The following MMP8 variants were observed in gnomAD, a reference collection of about 807,000 sequenced individuals.
MMP8 encodes neutrophil collagenase.
MMP8 carries 67 observed loss-of-function variants against 51.2 expected under a neutral mutation model. That is an observed-to-expected ratio of 1.31 (90% CI 1.08 to 1.60). The LOEUF (loss-of-function observed/expected upper bound fraction) is 1.60, where lower values mean the gene tolerates loss of function less well. Among genes scored for constraint, MMP8 ranks in the 40% most tolerant of loss-of-function variants. The pLI, the probability that MMP8 is intolerant of heterozygous loss-of-function variation, is 0.00. For synonymous variants in MMP8, 225 were observed against 191.0 expected (o/e 1.18, Z -1.47); for missense variants, 654 against 558.1 (o/e 1.17, Z -1.73).
Position 102,713,323 on chromosome 11 carries a change from G to T in MMP8, c.*25C>A. 6.7e-7 allele frequency: 1 copy of T among 1,501,352 alleles called. No individual in the cohort carries two copies. Among genetic ancestry groups the T allele is most frequent in the South Asian group, 1.1e-5 (1 of 88,720 alleles). The allele number at this position is 1,501,352 out of a possible 1,614,324, so 93.0% of individuals were successfully genotyped here. On this transcript the variant is annotated 3_prime_UTR_variant, in exon 10 of 10. Transcript: ENST00000236826. ...AACTTCCCTTCAACATTCTGAAAGT[G>T]GATACAGCCACATTTGATTTTGCTT...
chr11:102,716,438 A>AAG lies in MMP8; in HGVS notation c.785-20_785-19insCT. On this transcript the variant is annotated intron_variant, in intron 5 of 9. Transcript: ENST00000236826. ...GAAAGTCCTGGAAAAAAAAAAAAAA[A>AAG]AAAAAAAAAGGTCTTTCTTATGAGA... The AAG allele has an allele frequency of 7.0e-7, 1 of 1,437,296 alleles. No individual in the cohort carries two copies. The highest frequency in any genetic ancestry group is 2.4e-5 in the East Asian group (1 of 41,348). The allele number at this position is 1,437,296 out of a possible 1,614,324, so 89.0% of individuals were successfully genotyped here. A position where few individuals can be genotyped will look rare whatever the true frequency, so the allele number is the denominator to read the frequency against.
rs776959028 is a variant in MMP8, at chr11:102,718,466, G to T, written c.732C>A (p.Thr244=). ...CATCTTGAGGGAGTGAGTAGTTGCT[G>T]GTTTCCCTGAAAGCATAGTTGGGAT... ...LMYPNYAFRE[T]SNYSLPQDDI... is the part of the protein sequence containing the mutation. The change falls in exon 5 of 10, where the codon ACC becomes ACA. Residue 244 remains threonine, a synonymous_variant. Transcript: ENST00000236826. 188 of 1,613,600 alleles carry T rather than the reference G, an allele frequency of 1.2e-4. No individual in the cohort carries two copies. The highest frequency in any genetic ancestry group is 4.0e-4 in the Admixed American group (24 of 59,906).
In MMP8 at chr11:102,721,638, T is replaced by G. The variant is rs1188452862; in HGVS notation, c.472A>C (p.Ile158Leu). 1 of 1,613,834 alleles carries G rather than the reference T, an allele frequency of 6.2e-7. No individual in the cohort carries two copies. The part of the protein sequence containing the change: ...FTRISQGEAD[I>L]NIAFYQRDHG... ...CCTCTTTGGTAAAAAGCAATGTTGA[T>G]ATCTGCCTCTCCCTGTGAGATCCTG... is the stretch of plus-strand genomic sequence containing the variant. The change falls in exon 3 of 10, where the codon ATC becomes CTC. Residue 158 changes from isoleucine (I) to leucine (L), a missense_variant. Ile to Leu is a conservative substitution (Grantham distance 5, BLOSUM62 2). Coordinates refer to ENST00000236826, the MANE Select transcript of MMP8 (RefSeq NM_002424.3).
chr11:102,713,383 T>C lies in MMP8; in HGVS notation c.1369A>G (p.Arg457Gly). 1 of 1,613,664 alleles carries C rather than the reference T, an allele frequency of 6.2e-7. No individual in the cohort carries two copies. ...CTACAGTTAAGCCATTTATTGCCTC[T>C]TGCAACTCTGGTAACTCTCTGAGCA... Reference protein sequence around the residue: ...LIAQRVTRVARGNKWLNCRYG With the variant: ...LIAQRVTRVAGGNKWLNCRYG The change falls in exon 10 of 10, where the codon AGA becomes GGA. Residue 457 changes from arginine to glycine, a missense_variant. Arg to Gly is a moderately radical substitution (Grantham distance 125). Coordinates refer to ENST00000236826, the MANE Select transcript of MMP8 (RefSeq NM_002424.3).
chr11:102,716,423 GAAAAAAAAAA>G lies in MMP8; in HGVS notation c.785-14_785-5del, dbSNP rs751481811. ...TGGATAGGGTTGCTTGAAAGTCCTG[GAAAAAAAAAA>G]AAAAAAAAAAAAAAGGTCTTTCTTA... is the stretch of plus-strand genomic sequence containing the variant. On this transcript the variant is annotated splice_region_variant and splice_polypyrimidine_tract_variant and intron_variant, in intron 5 of 9. Transcript: ENST00000236826. The G allele has an allele frequency of 3.4e-4, 136 of 395,642 alleles. No homozygotes were observed. The highest frequency in any genetic ancestry group is 2.8e-3 in the African/African-American group (75 of 27,068). 24.5% of individuals were successfully genotyped at this position (395,642 alleles called of 1,614,324 possible).
In MMP8 at chr11:102,722,598, C is replaced by A. The variant is rs61747594; in HGVS notation, c.178G>T (p.Val60Phe). ...CGCTGCATTTCTTTAAGCTTTTCAA[C>A]GATCACATTAGTGCCATTCTTCCTT... ...STRKNGTNVIVEKLKEMQRFF... is the reference protein window; with the variant it reads ...STRKNGTNVIFEKLKEMQRFF... The change falls in exon 2 of 10, where the codon GTT (valine) becomes TTT (phenylalanine). Residue 60 changes from valine to phenylalanine, a missense_variant. Coordinates refer to ENST00000236826, the MANE Select transcript of MMP8 (RefSeq NM_002424.3). 2.5e-6 allele frequency: 4 copies of A among 1,613,822 alleles called. No homozygotes were observed. The Admixed American group carries it at 5.0e-5, about 20-fold the overall frequency.
At chr11:102,713,554 A>T (rs1861188983) in intron 9 of MMP8, 97 bp from the exon 10 acceptor site, 4 of 1,128,610 alleles carry the variant, frequency 3.5e-6, no homozygotes, top group Non-Finnish European at 3.9e-6. Context: ...ATAACATTCA[A>T]ATGCAAACAT....
At chr11:102,716,063 G>A (rs1310177493) in intron 6 of MMP8, among the ~76,000 whole-genome samples, 2 of 151,646 alleles carry the variant, frequency 1.3e-5, no homozygotes, top group African/African-American at 4.9e-5. Context: ...ATACTCAATT[G>A]CATAAATTCA....
In MMP8 at chr11:102,711,946, C is replaced by T. The variant is rs1348391417; in HGVS notation, c.*1402G>A. 1.3e-5 allele frequency: 2 copies of T among 152,144 alleles called. No individual in the cohort carries two copies. The highest frequency in any genetic ancestry group is 2.9e-5 in the Non-Finnish European group (2 of 68,018). The allele number at this position is 152,144 out of a possible 1,614,324, so 9.4% of individuals were successfully genotyped here. On this transcript the variant is annotated 3_prime_UTR_variant, in exon 10 of 10. Coordinates refer to ENST00000236826, the MANE Select transcript of MMP8 (RefSeq NM_002424.3). ...AGGTACTAGTGAGAAATATATTTTA[C>T]AGTCTACATATTTATTGTATAATAA...
intron 5 of MMP8, among the ~76,000 whole-genome samples, chr11:102,718,032 G>T (rs1366926656): frequency 6.6e-6 from 1 of 151,976 alleles, no homozygotes; most frequent in African/African-American, 2.4e-5. Context: ...GCTTGAACTT[G>T]GGAGGCAGAG....
chr11:102,714,555 C>A lies in MMP8; in HGVS notation c.1190+1G>T. On this transcript the variant is annotated splice_donor_variant, in intron 8 of 9. Transcript: ENST00000236826. LOFTEE classifies it high-confidence loss of function. ...ATAATTGAAAAAATAGTTTACGTTA[C>A]CTCCAGAATTGGTCATTTACAAAGA... 6.9e-7 allele frequency: 1 copy of A among 1,442,254 alleles called. No individual in the cohort carries two copies. The highest frequency in any genetic ancestry group is 9.2e-7 in the Non-Finnish European group (1 of 1,091,176). The allele number at this position is 1,442,254 out of a possible 1,614,324, so 89.3% of individuals were successfully genotyped here. A position where few individuals can be genotyped will look rare whatever the true frequency, so the allele number is the denominator to read the frequency against.
At position 102,721,778 on chromosome 11, in the gene MMP8, A is replaced by C; in HGVS notation, c.348-16T>G. ...GTTTCGAATCCTTCAAAATGAGAGG[A>C]TGTATGAAGAGTTAAATGTTATTTA... On this transcript the variant is annotated splice_polypyrimidine_tract_variant and intron_variant, in intron 2 of 9. Transcript: ENST00000236826. The C allele has an allele frequency of 6.2e-7, 1 of 1,612,760 alleles. No homozygotes were observed. Among genetic ancestry groups the C allele is most frequent in the African/African-American group, 1.3e-5 (1 of 74,974 alleles).
chr11:102,723,068 G>T (rs754938483), intron 1 of MMP8: 5 of 1,288,946 alleles, frequency 3.9e-6, no homozygotes, highest in Non-Finnish European at 3.0e-6. Flanking sequence ...TGTAGAAAAG[G>T]CTTATTTATT....
At chr11:102,721,339 TA>T in intron 4 of MMP8, 61 bp downstream of exon 4, 1 of 1,456,870 alleles carries the variant, frequency 6.9e-7, no homozygotes. Flanking sequence ...TGTGTGTGTG[TA>T]TTCTAATCTG....
intron 4 of MMP8, among the ~76,000 whole-genome samples, chr11:102,720,431 C>A (rs73592690): frequency 0.011 from 1,613 of 152,246 alleles, 30 homozygotes; most frequent in African/African-American, 0.037. Context: ...GGGTTATTAC[C>A]TATCTTTGGC....
chr11:102,722,440 G>A lies in MMP8; in HGVS notation c.336C>T (p.Asn112=). The change falls in exon 2 of 10, where the codon AAC becomes AAT. Residue 112 remains asparagine, a synonymous_variant. Coordinates refer to ENST00000236826, the MANE Select transcript of MMP8 (RefSeq NM_002424.3). ...TPGNPKWERT[N]LTYRIRNYTP... is the part of the protein sequence containing the mutation. ...CCTAGAGATATCACCTGTAGGTCAAGTTAGTGCGTTCCCACTTGGGGTTTC... is the reference window on the plus strand; with the variant it reads ...CCTAGAGATATCACCTGTAGGTCAAATTAGTGCGTTCCCACTTGGGGTTTC... The A allele has an allele frequency of 6.2e-6, 10 of 1,613,716 alleles. No homozygotes were observed. The highest frequency in any genetic ancestry group is 8.5e-6 in the Non-Finnish European group (10 of 1,179,748).
rs150040351 is a variant in MMP8, at chr11:102,713,212, A to C, written c.*136T>G. 169 of 622,170 alleles carry C rather than the reference A, an allele frequency of 2.7e-4. No individual in the cohort carries two copies. The Middle Eastern group carries it at 9.2e-3, about 34-fold the overall frequency. The allele number at this position is 622,170 out of a possible 1,614,324, so 38.5% of individuals were successfully genotyped here. ...TTCCAAACATATTTTCACGGAGGAC[A>C]GGTAGAATGGATACAGTGATGGGAA... is the stretch of plus-strand genomic sequence containing the variant. On this transcript the variant is annotated 3_prime_UTR_variant, in exon 10 of 10. Transcript: ENST00000236826.
At chr11:102,722,048 C>G (rs895090117) in intron 2 of MMP8, among the ~76,000 whole-genome samples, 2 of 152,048 alleles carry the variant, frequency 1.3e-5, no homozygotes, top group African/African-American at 2.4e-5. Flanking sequence ...TAGTTCATTA[C>G]TTGTCAAATA....
At chr11:102,721,553 C>G in intron 3 of MMP8, 27 bp from the exon 4 acceptor site, 1 of 1,613,544 alleles carries the variant, frequency 6.2e-7, no homozygotes, top group Non-Finnish European at 8.5e-7. Context: ...TGTATTAGAT[C>G]CTTGCCAAGT....
Sources: allele counts gnomAD v4.1 joint callset (sites outside exome capture counted in the v4.1 genomes callset), GRCh38; gene constraint gnomAD v4.1.1; transcripts MANE v1.5; gene names NCBI Gene and HGNC (gene_info 2026-07-23, HGNC 2026-07-21).